Variants in LINGO2 observed in about 807,000 individuals in gnomAD.
The protein encoded by LINGO2 is leucine-rich repeat and immunoglobulin-like domain-containing nogo receptor-interacting protein 2.
In LINGO2, 14 loss-of-function variants were observed where a neutral mutation model predicts 30.6. The observed-to-expected ratio is 0.46, with a 90% CI of 0.30 to 0.72. The LOEUF is 0.72. Among genes scored for constraint, LINGO2 ranks in the 30% least tolerant of loss-of-function variants. The pLI is 0.07. For synonymous variants in LINGO2, 317 were observed against 288.5 expected (o/e 1.10, Z -1.00); for missense variants, 729 against 751.7 (o/e 0.97, Z 0.35).
At chr9:29,176,989 G>A in the LINGO2 span, among the ~76,000 whole-genome samples, 1 of 152,178 alleles carries the variant, frequency 6.6e-6, no homozygotes, top group African/African-American at 2.4e-5. Context: ...GTTGGCCAAA[G>A]TCTACCTCTG....
rs527937887 is a variant in LINGO2, at chr9:28,448,247, G to A, written c.-279+27693C>T. Among the ~76,000 whole-genome samples, 86 of 152,246 alleles carry A rather than the reference G, an allele frequency of 5.6e-4. 1 individual carries two copies. The highest frequency in any genetic ancestry group is 3.4e-3 in the Middle Eastern group (1 of 294). Reference sequence around the variant, plus strand: ...CAAAATGGAGAATACTTTCTGGGTTGACAGCAGGTAGTACAAAAAACCTTG... The same window carrying A: ...CAAAATGGAGAATACTTTCTGGGTTAACAGCAGGTAGTACAAAAAACCTTG... On this transcript the variant is annotated intron_variant, in intron 2 of 5. Coordinates refer to ENST00000379992, the Ensembl canonical transcript of LINGO2.
chr9:28,045,241 ACT>A (rs1284900964), intron 4 of LINGO2, among the ~76,000 whole-genome samples: 1 of 152,096 alleles, frequency 6.6e-6, no homozygotes, highest in African/African-American at 2.4e-5. Flanking sequence ...AATCTAAAAC[ACT>A]GAGCCTGTAA....
intron 2 of LINGO2, among the ~76,000 whole-genome samples, chr9:28,474,560 C>CTTTTATAA (rs1564223745): frequency 2.4e-4 from 36 of 152,220 alleles, no homozygotes; most frequent in South Asian, 1.2e-3. Context: ...TCATACTACT[C>CTTTTATAA]TTTTATAATT....
At chr9:28,690,330 G>C in the LINGO2 span, among the ~76,000 whole-genome samples, 1 of 152,256 alleles carries the variant, frequency 6.6e-6, no homozygotes, top group African/African-American at 2.4e-5. Context: ...AAAAGACACA[G>C]CTAAGATGTA....
chr9:28,501,799 A>C (rs980859231), intron 1 of LINGO2, among the ~76,000 whole-genome samples: 1 of 152,124 alleles, frequency 6.6e-6, no homozygotes, highest in African/African-American at 2.4e-5. Flanking sequence ...TTTATTGTCC[A>C]TTTTTCCATC....
chr9:28,297,669 C>T (rs1322666337), intron 3 of LINGO2, among the ~76,000 whole-genome samples: 1 of 152,194 alleles, frequency 6.6e-6, no homozygotes, highest in Non-Finnish European at 1.5e-5. Flanking sequence ...GATCAATTCA[C>T]ATAGCTAATG....
At chr9:28,360,192 G>A (rs1820385433) in intron 3 of LINGO2, among the ~76,000 whole-genome samples, 1 of 152,096 alleles carries the variant, frequency 6.6e-6, no homozygotes. Context: ...ATTAAGTAAG[G>A]CAGTGTTTTT....
intron 1 of LINGO2, among the ~76,000 whole-genome samples, chr9:28,569,931 A>G (rs59453905): frequency 0.05 from 7,623 of 152,030 alleles, 226 homozygotes; most frequent in African/African-American, 0.083. Flanking sequence ...TTGGCAAAAA[A>G]TAAAGCTGGA....
At chr9:28,089,689 G>A (rs1188131420) in intron 4 of LINGO2, among the ~76,000 whole-genome samples, 1 of 152,104 alleles carries the variant, frequency 6.6e-6, no homozygotes, top group African/African-American at 2.4e-5. Flanking sequence ...TCAAAAGCTA[G>A]CAGAAGGCAA....
intron 5 of LINGO2, among the ~76,000 whole-genome samples, chr9:27,951,208 A>G (rs1325137644): frequency 6.6e-6 from 1 of 152,218 alleles, no homozygotes; most frequent in African/African-American, 2.4e-5. Flanking sequence ...GCAACATACA[A>G]AACAAACTTA....
At chr9:29,055,765 C>G in the LINGO2 span, among the ~76,000 whole-genome samples, 6 of 152,064 alleles carry the variant, frequency 3.9e-5, no homozygotes, top group Non-Finnish European at 7.4e-5. Flanking sequence ...ATTCTGATGT[C>G]TTCGCGTCCT....
chr9:28,106,310 T>C (rs1179388694), intron 4 of LINGO2, among the ~76,000 whole-genome samples: 1 of 152,064 alleles, frequency 6.6e-6, no homozygotes, highest in African/African-American at 2.4e-5. Flanking sequence ...CCCACACAAT[T>C]TAAAGAAGAA....
intron 1 of LINGO2, among the ~76,000 whole-genome samples, chr9:28,644,966 A>T (rs1299702047): frequency 6.6e-6 from 1 of 152,100 alleles, no homozygotes; most frequent in South Asian, 2.1e-4. Flanking sequence ...GGGACAATTT[A>T]AAAATCCCAG....
the LINGO2 span, among the ~76,000 whole-genome samples, chr9:29,010,195 C>T: frequency 4.5e-4 from 68 of 152,282 alleles, no homozygotes; most frequent in Non-Finnish European, 8.2e-4. Context: ...TCTAATTAAA[C>T]TAAAGAGCTT....
chr9:28,061,526 C>A (rs1042853794), intron 4 of LINGO2, among the ~76,000 whole-genome samples: 1 of 151,628 alleles, frequency 6.6e-6, no homozygotes, highest in Non-Finnish European at 1.5e-5. Flanking sequence ...AAGCCTTACA[C>A]ATGATTGTAA....
At chr9:28,965,583 T>C in the LINGO2 span, among the ~76,000 whole-genome samples, 9 of 152,042 alleles carry the variant, frequency 5.9e-5, no homozygotes, top group African/African-American at 1.7e-4. Context: ...AATGCTCATT[T>C]AAAAAAGCTT....
At chr9:28,193,619 C>A (rs1459507118) in intron 4 of LINGO2, among the ~76,000 whole-genome samples, 1 of 152,110 alleles carries the variant, frequency 6.6e-6, no homozygotes, top group East Asian at 1.9e-4. Flanking sequence ...ACCACTAGAA[C>A]AAAAATACAA....
intron 2 of LINGO2, among the ~76,000 whole-genome samples, chr9:28,383,547 G>T (rs1821445413): frequency 6.6e-6 from 1 of 152,002 alleles, no homozygotes; most frequent in Non-Finnish European, 1.5e-5. Flanking sequence ...TGGAAAGGAA[G>T]CAGTCCATAC....
the LINGO2 span, among the ~76,000 whole-genome samples, chr9:29,137,048 C>CA: frequency 2.6e-5 from 4 of 151,886 alleles, no homozygotes; most frequent in African/African-American, 4.8e-5. Flanking sequence ...CCCAGCCCCC[C>CA]AAAAAATACA....
Sources: allele counts gnomAD v4.1 joint callset (sites outside exome capture counted in the v4.1 genomes callset), GRCh38; gene constraint gnomAD v4.1.1; transcripts MANE v1.5; gene names NCBI Gene and HGNC (gene_info 2026-07-23, HGNC 2026-07-21).